Variants in DGKB observed in about 807,000 individuals in gnomAD.
DGKB encodes the protein 90 kDa diacylglycerol kinase.
In DGKB, 67 loss-of-function variants were observed where a neutral mutation model predicts 114.3. The ratio of observed to expected loss-of-function variants is 0.59; its 90% CI spans 0.48 to 0.72. The LOEUF is 0.72. Ranked by LOEUF, DGKB falls within the 30% of genes least tolerant of loss-of-function variation. The pLI, the probability that DGKB is intolerant of heterozygous loss-of-function variation, is 0.00. For synonymous variants in DGKB, 398 were observed against 323.1 expected, an observed-to-expected ratio of 1.23 and a Z score of -2.49; for missense variants, 907 against 975.2, an observed-to-expected ratio of 0.93 and a Z score of 0.93.
intron 23 of DGKB, among the ~76,000 whole-genome samples, chr7:14,255,033 T>C (rs1174746911): frequency 6.6e-6 from 1 of 152,014 alleles, no homozygotes; most frequent in African/African-American, 2.4e-5. Flanking sequence ...ATAGTAACGA[T>C]ATAAAAAATT....
rs780931600 is a variant in DGKB at position 14,701,747 on chromosome 7, G to A, written c.467-17C>T. Reference sequence around the variant, plus strand: ...GAAACATAACTAGAATGAAAGAGGTGTTGAAAACAAGATTATAGGCAAATA... The same window carrying A: ...GAAACATAACTAGAATGAAAGAGGTATTGAAAACAAGATTATAGGCAAATA... On this transcript the variant is annotated splice_polypyrimidine_tract_variant and intron_variant, in intron 6 of 25. Transcript: ENST00000402815. The A allele has an allele frequency of 4.4e-6, 7 of 1,582,996 alleles. No homozygotes were observed. Among genetic ancestry groups the A allele is most frequent in the Non-Finnish European group, 5.2e-6 (6 of 1,152,202 alleles).
At chr7:14,382,357 T>C (rs1361689178) in intron 21 of DGKB, among the ~76,000 whole-genome samples, 1 of 145,650 alleles carries the variant, frequency 6.9e-6, no homozygotes, top group African/African-American at 2.5e-5. Flanking sequence ...GGAAGATGCC[T>C]CTCTATTCAC....
At chr7:14,365,088 A>T (rs907268785) in intron 21 of DGKB, among the ~76,000 whole-genome samples, 1 of 151,708 alleles carries the variant, frequency 6.6e-6, no homozygotes. Flanking sequence ...GATAGTCAAC[A>T]TCTTGGGGGT....
intron 1 of DGKB, among the ~76,000 whole-genome samples, chr7:14,856,748 A>G (rs1029047899): frequency 6.6e-6 from 1 of 152,124 alleles, no homozygotes; most frequent in Non-Finnish European, 1.5e-5. Flanking sequence ...ATTAAAACCA[A>G]TAATGCAAAA....
intron 14 of DGKB, among the ~76,000 whole-genome samples, chr7:14,622,043 CCTCTCTTTTCACT>C (rs1172464071): frequency 6.6e-6 from 1 of 152,044 alleles, no homozygotes; most frequent in African/African-American, 2.4e-5. Context: ...GTTTCTATTT[CCTCTCTTTTCACT>C]CTCTCTTAAC....
chr7:14,696,582 C>T (rs1211334434), intron 8 of DGKB, among the ~76,000 whole-genome samples: 1 of 130,186 alleles, frequency 7.7e-6, no homozygotes, highest in African/African-American at 2.8e-5. Context: ...CATCTAATAA[C>T]AAGCTGGCTT....
intron 2 of DGKB, among the ~76,000 whole-genome samples, chr7:14,775,074 TC>T (rs1380209691): frequency 2.0e-5 from 3 of 152,142 alleles, no homozygotes; most frequent in Non-Finnish European, 4.4e-5. Context: ...TGCAGTGATA[TC>T]CTTCTAGAAT....
intron 1 of DGKB, among the ~76,000 whole-genome samples, chr7:14,955,988 A>G (rs1786482865): frequency 6.6e-6 from 1 of 152,000 alleles, no homozygotes; most frequent in African/African-American, 2.4e-5. Flanking sequence ...TGAGAGTAGC[A>G]CCTGTCATGG....
In DGKB at chr7:14,808,125, C is replaced by T. The variant is rs568971854; in HGVS notation, c.70+33069G>A. ...TTTAGAGGTTCCTCTTTTAGATAGA[C>T]AGAAGTACTGCAAATTGTTGTTTTA... On this transcript the variant is annotated intron_variant, in intron 2 of 25. Transcript: ENST00000402815. Among the ~76,000 whole-genome samples the T allele has an allele frequency of 2.0e-5, 3 of 152,076 alleles. No individual in the cohort carries two copies. The South Asian group carries it at 6.2e-4, about 32-fold the overall frequency.
At chr7:14,811,945 T>A (rs1400115394) in intron 2 of DGKB, among the ~76,000 whole-genome samples, 1 of 152,070 alleles carries the variant, frequency 6.6e-6, no homozygotes, top group Non-Finnish European at 1.5e-5. Context: ...ACTAACTCCC[T>A]CTCTTCCACT....
chr7:14,505,140 T>C (rs1177603112), intron 20 of DGKB, among the ~76,000 whole-genome samples: 2 of 152,190 alleles, frequency 1.3e-5, no homozygotes, highest in South Asian at 4.1e-4. Context: ...CTTAAGAACA[T>C]GTTTTGTCTT....
intron 21 of DGKB, among the ~76,000 whole-genome samples, chr7:14,355,799 G>A (rs545803227): frequency 1.8e-4 from 27 of 152,164 alleles, no homozygotes; most frequent in Non-Finnish European, 2.8e-4. Context: ...CATAAAATGA[G>A]TTAGGGAAGA....
intron 21 of DGKB, among the ~76,000 whole-genome samples, chr7:14,351,598 T>C (rs1026020744): frequency 3.3e-5 from 5 of 152,256 alleles, no homozygotes; most frequent in Non-Finnish European, 7.3e-5. Context: ...CAATTTATTT[T>C]TTTTTGATTG....
At chr7:14,640,427 G>A (rs1294604027) in intron 13 of DGKB, among the ~76,000 whole-genome samples, 2 of 152,164 alleles carry the variant, frequency 1.3e-5, no homozygotes, top group Non-Finnish European at 2.9e-5. Flanking sequence ...ATGTAATGAA[G>A]AATAGATCAC....
intron 23 of DGKB, among the ~76,000 whole-genome samples, chr7:14,206,005 A>G (rs1786744849): frequency 6.6e-6 from 1 of 152,080 alleles, no homozygotes; most frequent in African/African-American, 2.4e-5. Flanking sequence ...ATACAATACC[A>G]ACTAGTTGAT....
At chr7:14,884,741 A>G (rs572021948) in intron 1 of DGKB, among the ~76,000 whole-genome samples, 1 of 152,092 alleles carries the variant, frequency 6.6e-6, no homozygotes, top group African/African-American at 2.4e-5. Context: ...AGAACATCCT[A>G]CAAAACGGCA....
intron 23 of DGKB, among the ~76,000 whole-genome samples, chr7:14,330,746 A>G (rs1296329340): frequency 6.6e-6 from 1 of 151,938 alleles, no homozygotes; most frequent in East Asian, 1.9e-4. Context: ...CCAAAATATT[A>G]TTCATATTTC....
At chr7:14,169,962 C>T (rs1780612845) in intron 25 of DGKB, among the ~76,000 whole-genome samples, 1 of 151,394 alleles carries the variant, frequency 6.6e-6, no homozygotes, top group East Asian at 1.9e-4. Flanking sequence ...TGGAGAAACC[C>T]CATCTCTACT....
chr7:14,585,580 C>T (rs1800624456), intron 17 of DGKB, among the ~76,000 whole-genome samples: 1 of 152,204 alleles, frequency 6.6e-6, no homozygotes, highest in African/African-American at 2.4e-5. Flanking sequence ...GGCATTTCAA[C>T]TGGTTTGCTT....
Sources: allele counts gnomAD v4.1 joint callset (sites outside exome capture counted in the v4.1 genomes callset), GRCh38; gene constraint gnomAD v4.1.1; transcripts MANE v1.5; gene names NCBI Gene and HGNC (gene_info 2026-07-23, HGNC 2026-07-21).